Variants in UBL7 observed in about 807,000 individuals in gnomAD.
The protein encoded by UBL7 is ubiquitin-like protein 7.
UBL7 carries 21 observed loss-of-function variants against 41.7 expected under a neutral mutation model. That is an observed-to-expected ratio of 0.50 (90% confidence interval 0.36 to 0.73). The LOEUF is 0.73. UBL7 is among the 30% of genes least tolerant of loss of function. The pLI, the probability that UBL7 is intolerant of heterozygous loss-of-function variation, is 0.00. For synonymous variants in UBL7, 157 were observed against 186.9 expected, an observed-to-expected ratio of 0.84 and a Z score of 1.31; for missense variants, 403 against 478.4, an observed-to-expected ratio of 0.84 and a Z score of 1.47.
chr15:74,456,512 T>G, intron 3 of UBL7, 40 bp downstream of exon 3: 1 of 1,610,264 alleles, frequency 6.2e-7, no homozygotes, highest in Non-Finnish European at 8.5e-7. Context: ...TTGCGGATAT[T>G]ACAGAAACTC....
chr15:74,456,788 C>T (rs991642812), intron 2 of UBL7, 117 bp from the exon 3 acceptor site: 1 of 1,218,298 alleles, frequency 8.2e-7, no homozygotes, highest in Non-Finnish European at 1.2e-6. Flanking sequence ...TTAAAAGATA[C>T]TCTTATTCAA....
Position 74,450,010 on chromosome 15 carries a change from G to C in UBL7, c.590C>G (p.Ala197Gly). The change falls in exon 7 of 11, where the codon GCA becomes GGA. Residue 197 changes from alanine to glycine, a missense_variant. Coordinates refer to ENST00000395081, the MANE Select transcript of UBL7 (RefSeq NM_032907.5). The part of the protein sequence containing the change: ...NAIVLVLHSV[A>G]GSAPMPGTDS... ...AGTCCCAGGCATTGGGGCACTGCCTGCTACGGAGTGCAGAACCAGGACAAT... is the reference window on the plus strand; with the variant it reads ...AGTCCCAGGCATTGGGGCACTGCCTCCTACGGAGTGCAGAACCAGGACAAT... 6.2e-7 allele frequency: 1 copy of C among 1,613,672 alleles called. No homozygotes were observed. Among genetic ancestry groups the C allele is most frequent in the Non-Finnish European group, 8.5e-7 (1 of 1,179,804 alleles).
chr15:74,449,094 G>A, intron 9 of UBL7, 92 bp downstream of exon 9: 1 of 1,427,826 alleles, frequency 7.0e-7, no homozygotes. Flanking sequence ...ACTAGATCTA[G>A]CACCAGGGTC....
In UBL7 at chr15:74,458,329, G is replaced by C. The variant is rs556653125; in HGVS notation, c.184+355C>G. ...TGCCTGTAATCCCAGCTACTCGGGA[G>C]GCTGAGGCAGAATTGCTTGAACTGG... is the stretch of plus-strand genomic sequence containing the variant. On this transcript the variant is annotated intron_variant, in intron 2 of 10. Transcript: ENST00000395081. Among the ~76,000 whole-genome samples the C allele has an allele frequency of 2.0e-4, 30 of 152,284 alleles. No homozygotes were observed. The South Asian group carries it at 2.5e-3, about 13-fold the overall frequency.
chr15:74,453,733 G>A (rs1419107378), intron 3 of UBL7, among the ~76,000 whole-genome samples: 1 of 152,220 alleles, frequency 6.6e-6, no homozygotes, highest in Non-Finnish European at 1.5e-5. Context: ...CAGGTGGGAA[G>A]ACAGACAACA....
At chr15:74,451,641 C>A in intron 4 of UBL7, 121 bp from the exon 5 acceptor site, 1 of 642,440 alleles carries the variant, frequency 1.6e-6, no homozygotes, top group Non-Finnish European at 2.7e-6. Flanking sequence ...CACAATGGAA[C>A]AATAGCCCCA....
chr15:74,448,340 C>A (rs2061205601), intron 10 of UBL7, 138 bp downstream of exon 10: 3 of 1,380,756 alleles, frequency 2.2e-6, no homozygotes, highest in Admixed American at 3.8e-5. Flanking sequence ...ACACTCTGCA[C>A]CTGTCCCACT....
Position 74,448,462 on chromosome 15 carries a change from C to G in UBL7, c.1005+16G>C. 6.2e-7 allele frequency: 1 copy of G among 1,612,858 alleles called. No individual in the cohort carries two copies. Among genetic ancestry groups the G allele is most frequent in the Non-Finnish European group, 8.5e-7 (1 of 1,179,314 alleles). ...CAAGGAAGCCACATGGAAACCAAGA[C>G]GTGGGGAAGACTGACCTGAAGGCTG... On this transcript the variant is annotated intron_variant, in intron 10 of 10. Transcript: ENST00000395081.
chr15:74,460,879 T>C (rs2061342703), intron 1 of UBL7, 158 bp downstream of exon 1: 1 of 1,190,306 alleles, frequency 8.4e-7, no homozygotes, highest in East Asian at 6.0e-5. Context: ...AAGGAGGTCG[T>C]TTTATATACC....
chr15:74,458,790 T>C lies in UBL7; in HGVS notation c.78A>G (p.Pro26=), dbSNP rs750782260. ...PLTPKSILRL[P]ETELGEYSLG... The stretch of plus-strand genomic sequence containing the variant: ...GCGAGTATTCTCCCAGTTCTGTCTC[T>C]GGCAACCGAAGAATAGACTTTGGAG... Residue 26 remains proline (P), a synonymous_variant, in exon 2 of 11, where the codon CCA becomes CCG. Coordinates refer to ENST00000395081, the MANE Select transcript of UBL7 (RefSeq NM_032907.5). 3.7e-6 allele frequency: 6 copies of C among 1,613,830 alleles called. No homozygotes were observed. Among genetic ancestry groups the C allele is most frequent in the African/African-American group, 2.7e-5 (2 of 74,944 alleles).
rs747368710 is a variant in UBL7 at position 74,456,643 on chromosome 15, T to C, written c.213A>G (p.Lys71=). The change falls in exon 3 of 11, where the codon AAA becomes AAG. Residue 71 remains lysine (K), a synonymous_variant. Coordinates refer to ENST00000395081, the MANE Select transcript of UBL7 (RefSeq NM_032907.5). ...IDLIYCGRKL[K]DDQTLDFYGI... The stretch of plus-strand genomic sequence containing the variant: ...CATAGAAGTCAAGTGTCTGGTCATC[T>C]TTTAGCTTCCGACCACAGTAGATCA... 17 of 1,614,044 alleles carry C rather than the reference T, an allele frequency of 1.1e-5. No individual in the cohort carries two copies. Among genetic ancestry groups the C allele is most frequent in the Admixed American group, 1.0e-4 (6 of 60,002 alleles).
At chr15:74,454,211 T>C (rs1211333787) in intron 3 of UBL7, among the ~76,000 whole-genome samples, 2 of 152,142 alleles carry the variant, frequency 1.3e-5, no homozygotes, top group Non-Finnish European at 2.9e-5. Flanking sequence ...AATGATTAAA[T>C]GAGGTATAAA....
chr15:74,455,878 A>G (rs2061289061), intron 3 of UBL7, among the ~76,000 whole-genome samples: 1 of 152,074 alleles, frequency 6.6e-6, no homozygotes, highest in South Asian at 2.1e-4. Context: ...TAATCCCAGC[A>G]CTTTGGGAGG....
At chr15:74,458,563 TG>T in intron 2 of UBL7, 120 bp downstream of exon 2, 2 of 807,598 alleles carry the variant, frequency 2.5e-6, no homozygotes, top group South Asian at 1.7e-5. Context: ...TTCACTTCCC[TG>T]GAGTGTTAAC....
chr15:74,455,118 G>C, intron 3 of UBL7, among the ~76,000 whole-genome samples: 1 of 152,292 alleles, frequency 6.6e-6, no homozygotes, highest in Admixed American at 6.5e-5. Flanking sequence ...CTGGATGTCA[G>C]GAACTCTGTT....
At chr15:74,449,723 G>C in intron 7 of UBL7, 48 bp from the exon 8 acceptor site, 1 of 1,611,246 alleles carries the variant, frequency 6.2e-7, no homozygotes, top group South Asian at 1.1e-5. Flanking sequence ...AAAGGCACAG[G>C]CGCAGCTCCA....
chr15:74,447,728 A>G (rs1341521004), intron 10 of UBL7, among the ~76,000 whole-genome samples: 2 of 151,846 alleles, frequency 1.3e-5, no homozygotes, highest in African/African-American at 4.8e-5. Context: ...CAATCAATCA[A>G]TGCCTCCCAG....
rs1331326695 is a variant in UBL7, at chr15:74,452,385, G to T, written c.305-7C>A. 6.4e-7 allele frequency: 1 copy of T among 1,555,578 alleles called. No homozygotes were observed. Among genetic ancestry groups the T allele is most frequent in the Non-Finnish European group, 8.7e-7 (1 of 1,148,672 alleles). On this transcript the variant is annotated splice_region_variant and splice_polypyrimidine_tract_variant and intron_variant, in intron 3 of 10. Coordinates refer to ENST00000395081, the MANE Select transcript of UBL7 (RefSeq NM_032907.5). ...GCCACTTTGTCCACAGGTTCTGGGG[G>T]ACAAGACATTCAGAGTTACCCTATA...
At position 74,449,782 on chromosome 15, in the gene UBL7, T is replaced by G. The variant is rs1323371123; in HGVS notation, c.665-107A>C. 5 of 1,556,358 alleles carry G rather than the reference T, an allele frequency of 3.2e-6. No individual in the cohort carries two copies. The African/African-American group carries it at 6.8e-5, about 21-fold the overall frequency. ...CAAATTCATATTTTCATCTCTCCCC[T>G]CGGAAAATTACAGGACAGATGCACT... On this transcript the variant is annotated intron_variant, in intron 7 of 10. Coordinates refer to ENST00000395081, the MANE Select transcript of UBL7 (RefSeq NM_032907.5).
Sources: allele counts gnomAD v4.1 joint callset (sites outside exome capture counted in the v4.1 genomes callset), GRCh38; gene constraint gnomAD v4.1.1; transcripts MANE v1.5; gene names NCBI Gene and HGNC (gene_info 2026-07-23, HGNC 2026-07-21).